The following CYP2C8 variants were observed in gnomAD, a reference collection of about 807,000 sequenced individuals.
The protein encoded by CYP2C8 is cytochrome P450 family 2 subfamily C member 8.
In CYP2C8, 51 loss-of-function variants were observed where a neutral mutation model predicts 41.3. The observed-to-expected ratio is 1.24, with a 90% CI of 0.99 to 1.56. The LOEUF is 1.56. Ranked by LOEUF, CYP2C8 falls within the 40% of genes most tolerant of loss-of-function variation. CYP2C8 has a pLI of 0.00. For missense variants in CYP2C8, 651 were observed against 579.9 expected, an observed-to-expected ratio of 1.12 and a Z score of -1.26; for synonymous variants, 218 against 205.8, an observed-to-expected ratio of 1.06 and a Z score of -0.51.
rs1008261572 is a variant in CYP2C8 at position 95,058,852 on chromosome 10, T to A, written c.643-341A>T. ...TGTTCCCCTTCCTGTGTTCAAGTGT[T>A]CTCATTGTTCAATTCCCACCTATGA... On this transcript the variant is annotated intron_variant, in intron 4 of 8. Coordinates refer to ENST00000371270, the MANE Select transcript of CYP2C8 (RefSeq NM_000770.3). 1.2e-4 allele frequency among the ~76,000 whole-genome samples: 19 copies of A among 152,096 alleles called. No homozygotes were observed. In the South Asian group the frequency reaches 2.5e-3, roughly 20 times the overall value.
At chr10:95,057,350 T>C (rs1485183882) in intron 5 of CYP2C8, among the ~76,000 whole-genome samples, 1 of 152,192 alleles carries the variant, frequency 6.6e-6, no homozygotes, top group Non-Finnish European at 1.5e-5. Context: ...ATATATGGTA[T>C]ATGAATTTCA....
intron 4 of CYP2C8, among the ~76,000 whole-genome samples, chr10:95,060,255 T>C (rs932155931): frequency 2.0e-5 from 3 of 152,178 alleles, no homozygotes; most frequent in Non-Finnish European, 2.9e-5. Context: ...TTTCATGATA[T>C]TGATTTTTCC....
chr10:95,039,516 T>G (rs190388787), intron 7 of CYP2C8: 132 of 174,180 alleles, frequency 7.6e-4, no homozygotes, highest in African/African-American at 3.0e-3. Context: ...GTAAAAACTA[T>G]TGTGTGTTTA....
At chr10:95,045,547 A>G (rs987475770) in intron 6 of CYP2C8, among the ~76,000 whole-genome samples, 1 of 152,120 alleles carries the variant, frequency 6.6e-6, no homozygotes, top group Non-Finnish European at 1.5e-5. Flanking sequence ...CCTTACCACA[A>G]ATTACCTTTG....
intron 4 of CYP2C8, among the ~76,000 whole-genome samples, chr10:95,060,233 C>A (rs2033398680): frequency 6.6e-6 from 1 of 152,146 alleles, no homozygotes; most frequent in African/African-American, 2.4e-5. Flanking sequence ...TTACCTTGGG[C>A]AGTATGGCCA....
At position 95,058,525 on chromosome 10, in the gene CYP2C8, G is replaced by A; in HGVS notation, c.643-14C>T. 1.3e-6 allele frequency: 2 copies of A among 1,595,576 alleles called. No individual in the cohort carries two copies. Among genetic ancestry groups the A allele is most frequent in the Non-Finnish European group, 1.7e-6 (2 of 1,167,666 alleles). ...ATTATTGCAGACCTAAAAGAGAAAA[G>A]AATATTAAATATAAACATGTCATAA... On this transcript the variant is annotated splice_polypyrimidine_tract_variant and intron_variant, in intron 4 of 8. Transcript: ENST00000371270.
rs2033528137 is a variant in CYP2C8 at position 95,064,949 on chromosome 10, C to T, written c.493G>A (p.Asp165Asn). ...ELRKTKASPC[D>N]PTFILGCAPC... ...GCACAGCCCAGGATGAAAGTGGGAT[C>T]ACAGGGTGAAGCTAAAGATTTAAAA... Residue 165 changes from aspartate to asparagine, a missense_variant, in exon 4 of 9, where the codon GAT (aspartate) becomes AAT (asparagine). Coordinates refer to ENST00000371270, the MANE Select transcript of CYP2C8 (RefSeq NM_000770.3). The T allele has an allele frequency of 6.4e-7, 1 of 1,561,636 alleles. No homozygotes were observed. Among genetic ancestry groups the T allele is most frequent in the African/African-American group, 1.4e-5 (1 of 73,820 alleles).
chr10:95,062,450 T>C (rs989436690), intron 4 of CYP2C8, among the ~76,000 whole-genome samples: 2 of 152,114 alleles, frequency 1.3e-5, no homozygotes, highest in Non-Finnish European at 2.9e-5. Flanking sequence ...TTATCAGAGA[T>C]TAGGATTGCA....
intron 4 of CYP2C8, among the ~76,000 whole-genome samples, chr10:95,062,948 A>C (rs998865400): frequency 1.3e-5 from 2 of 152,142 alleles, no homozygotes; most frequent in Non-Finnish European, 2.9e-5. Context: ...CTTTTCTTTA[A>C]GAATGTTGAA....
intron 6 of CYP2C8, 126 bp from the exon 7 acceptor site, chr10:95,043,203 G>C: frequency 1.2e-6 from 1 of 809,260 alleles, no homozygotes; most frequent in South Asian, 1.6e-5. Flanking sequence ...TACATGTCCA[G>C]AAGTACAACC....
At position 95,066,379 on chromosome 10, in the gene CYP2C8, A is replaced by AAAAAGATG. The variant is rs1589448900; in HGVS notation, c.481+821_481+828dup. Among the ~76,000 whole-genome samples, 5 of 152,308 alleles carry AAAAAGATG rather than the reference A, an allele frequency of 3.3e-5. No individual in the cohort carries two copies. In the East Asian group the frequency reaches 9.6e-4, roughly 29 times the overall value. ...CAAAGCTAAGAACCAATACAGGGGA[A>AAAAAGATG]AAAAGATGACAAAACTGAAAACATA... On this transcript the variant is annotated intron_variant, in intron 3 of 8. Transcript: ENST00000371270.
intron 6 of CYP2C8, among the ~76,000 whole-genome samples, chr10:95,043,882 A>G (rs2033058213): frequency 6.6e-6 from 1 of 151,992 alleles, no homozygotes; most frequent in Non-Finnish European, 1.5e-5. Flanking sequence ...ACACACACAC[A>G]CACACATATA....
chr10:95,056,710 T>C (rs903159541), intron 5 of CYP2C8, among the ~76,000 whole-genome samples: 2 of 152,140 alleles, frequency 1.3e-5, no homozygotes, highest in Non-Finnish European at 2.9e-5. Context: ...ATAAAGATAG[T>C]TGATTAATGT....
chr10:95,058,252 C>T (rs2134428094), intron 5 of CYP2C8, 83 bp downstream of exon 5: 1 of 1,577,710 alleles, frequency 6.3e-7, no homozygotes, highest in South Asian at 1.1e-5. Flanking sequence ...ATCATTTAAA[C>T]ATCCTTAGTA....
intron 7 of CYP2C8, among the ~76,000 whole-genome samples, chr10:95,040,151 T>C (rs2032965393): frequency 6.6e-6 from 1 of 152,172 alleles, no homozygotes; most frequent in Non-Finnish European, 1.5e-5. Flanking sequence ...TTAGGCTGTA[T>C]TATTATTTGA....
intron 5 of CYP2C8, among the ~76,000 whole-genome samples, chr10:95,050,701 C>A (rs957959557): frequency 6.6e-6 from 1 of 152,310 alleles, no homozygotes; most frequent in Non-Finnish European, 1.5e-5. Flanking sequence ...AGAACCACTG[C>A]ATTATTGGGC....
rs2032942184 is a variant in CYP2C8, at chr10:95,038,965, T to C, written c.1223A>G (p.Asp408Gly). The C allele has an allele frequency of 1.4e-5, 23 of 1,613,580 alleles. No homozygotes were observed. Among genetic ancestry groups the C allele is most frequent in the Non-Finnish European group, 1.9e-5 (23 of 1,179,588 alleles). ...DKEFPNPNIF[D>G]PGHFLDKNGN... ...ATTCTTATCTAGAAAGTGGCCAGGG[T>C]CAAAGATATTTGGATTAGGAAATTC... Residue 408 changes from aspartate (D) to glycine (G), a missense_variant, in exon 8 of 9, where the codon GAC (aspartate) becomes GGC (glycine). Physicochemically the swap from Asp to Gly is moderately conservative, Grantham distance 94. Coordinates refer to ENST00000371270, the MANE Select transcript of CYP2C8 (RefSeq NM_000770.3).
At chr10:95,047,039 C>T (rs2033122574) in intron 5 of CYP2C8, among the ~76,000 whole-genome samples, 1 of 152,074 alleles carries the variant, frequency 6.6e-6, no homozygotes, top group Non-Finnish European at 1.5e-5. Flanking sequence ...TAAGTGAGTT[C>T]ACATAAGATC....
Position 95,045,835 on chromosome 10 carries a change from G to A in CYP2C8, c.936C>T (p.Leu312=), listed in dbSNP as rs200154618. Residue 312 remains leucine (L), a synonymous_variant, in exon 6 of 9, where the codon CTC becomes CTT. Coordinates refer to ENST00000371270, the MANE Select transcript of CYP2C8 (RefSeq NM_000770.3). ...CTGTGACCTCTGGGTGCTTCAGCAG[G>A]AGCAGGAGTCCATATCTCAGAGTGG... ...TSTTLRYGLL[L]LLKHPEVTAK... 12 of 1,613,990 alleles carry A rather than the reference G, an allele frequency of 7.4e-6. No homozygotes were observed.
Sources: gnomAD v4.1 joint callset for allele counts (sites outside exome capture counted in the v4.1 genomes callset) on GRCh38, gnomAD v4.1.1 for gene constraint, MANE v1.5 for transcripts, NCBI Gene and HGNC (gene_info 2026-07-23, HGNC 2026-07-21) for gene names.